KANK1: variants seen among roughly 807,000 people sequenced by gnomAD.
KANK1 encodes KN motif and ankyrin repeat domains 1.
A neutral mutation model predicts 106.2 loss-of-function variants in KANK1; 109 were observed. The observed-to-expected ratio is 1.03, with a 90% CI of 0.88 to 1.20. The LOEUF (loss-of-function observed/expected upper bound fraction) is 1.20, where lower values mean the gene tolerates loss of function less well. Ranked by LOEUF, KANK1 falls within the 50% of genes most tolerant of loss-of-function variation. KANK1 has a pLI of 0.00. For synonymous variants in KANK1, 873 were observed against 652.2 expected (o/e 1.34, Z -5.16); for missense variants, 2,399 against 1,710.7 (o/e 1.40, Z -7.10).
chr9:632,560 C>G (rs1835998974), intron 1 of KANK1, among the ~76,000 whole-genome samples: 1 of 152,100 alleles, frequency 6.6e-6, no homozygotes, highest in Admixed American at 6.5e-5. Flanking sequence ...TCAAATGCAC[C>G]TTGGACTGCC....
chr9:694,207 C>G (rs749275288), intron 2 of KANK1, among the ~76,000 whole-genome samples: 26 of 152,130 alleles, frequency 1.7e-4, no homozygotes, highest in African/African-American at 3.1e-4. Context: ...CATACAAATA[C>G]TAGCTTTCCA....
At chr9:611,925 A>G (rs10815343) in intron 1 of KANK1, among the ~76,000 whole-genome samples, 48,551 of 151,986 alleles carry the variant, frequency 0.32, 8,591 homozygotes, top group African/African-American at 0.46. Flanking sequence ...TCACCGTGTT[A>G]GCCAGGATGG....
chr9:649,311 C>T (rs1018062284), intron 1 of KANK1, among the ~76,000 whole-genome samples: 3 of 152,158 alleles, frequency 2.0e-5, no homozygotes, highest in Non-Finnish European at 4.4e-5. Flanking sequence ...CTTGTCCCTA[C>T]ATCCCATCTA....
intron 1 of KANK1, among the ~76,000 whole-genome samples, chr9:605,673 G>A (rs1828922119): frequency 6.6e-6 from 1 of 151,760 alleles, no homozygotes; most frequent in East Asian, 1.9e-4. Context: ...CCATGCCATA[G>A]CAAAATTCTG....
rs563361624 is a variant in KANK1 at position 523,830 on chromosome 9, C to T, written c.-84+19076C>T. Among the ~76,000 whole-genome samples the T allele has an allele frequency of 2.5e-4, 38 of 150,798 alleles. 2 individuals carry two copies. Among genetic ancestry groups the T allele is most frequent in the African/African-American group, 9.1e-4 (37 of 40,686 alleles). On this transcript the variant is annotated intron_variant, in intron 1 of 11. Coordinates refer to ENST00000382297, the MANE Select transcript of KANK1 (RefSeq NM_015158.5). ...CGCTTGGCCTCTTCTTTTTTTTTTC[C>T]ATATCAAAAATTAACCAGTATTATT...
At chr9:626,925 T>G (rs1486410044) in intron 1 of KANK1, among the ~76,000 whole-genome samples, 1 of 152,224 alleles carries the variant, frequency 6.6e-6, no homozygotes, top group African/African-American at 2.4e-5. Context: ...TGTTTTACAC[T>G]GGTGTACATC....
intron 1 of KANK1, among the ~76,000 whole-genome samples, chr9:586,073 T>C (rs1457936312): frequency 6.6e-6 from 1 of 152,208 alleles, no homozygotes; most frequent in Non-Finnish European, 1.5e-5. Flanking sequence ...TGCTGTGTGA[T>C]CTGTAAGGCA....
chr9:624,165 A>G lies in KANK1; in HGVS notation c.-83-52725A>G, dbSNP rs539256749. Among the ~76,000 whole-genome samples, 8 of 152,334 alleles carry G rather than the reference A, an allele frequency of 5.3e-5. No homozygotes were observed. The East Asian group carries it at 1.2e-3, about 22-fold the overall frequency. On this transcript the variant is annotated intron_variant, in intron 1 of 11. Coordinates refer to ENST00000382297, the MANE Select transcript of KANK1 (RefSeq NM_015158.5). ...ATACTGTATGATCTCAGTTATATGT[A>G]GAATATAAAAACGTTGAATCCACAA... is the stretch of plus-strand genomic sequence containing the variant.
At chr9:556,516 A>T (rs1443103075) in intron 1 of KANK1, among the ~76,000 whole-genome samples, 1 of 152,236 alleles carries the variant, frequency 6.6e-6, no homozygotes, top group African/African-American at 2.4e-5. Flanking sequence ...GGTGCTTATG[A>T]AACTAAAATT....
chr9:485,317 A>G (rs996956718), intron 3 of KANK1, among the ~76,000 whole-genome samples: 1 of 152,250 alleles, frequency 6.6e-6, no homozygotes, highest in Non-Finnish European at 1.5e-5. Flanking sequence ...TTGTTAAGGT[A>G]TAATTTACAT....
At chr9:615,156 A>C (rs1275346712) in intron 1 of KANK1, among the ~76,000 whole-genome samples, 1 of 152,106 alleles carries the variant, frequency 6.6e-6, no homozygotes, top group Non-Finnish European at 1.5e-5. Context: ...ACTGGTCCTG[A>C]ACTCCTGGCC....
In KANK1 at chr9:737,400, A is replaced by G. The variant is rs566763548; in HGVS notation, c.3334-885A>G. On this transcript the variant is annotated intron_variant, in intron 7 of 11. Coordinates refer to ENST00000382297, the MANE Select transcript of KANK1 (RefSeq NM_015158.5). ...GACATAGGCTGTCTTTCTTTGATAT[A>G]TTTTTAAACTTTTAAAGAGTAAGCA... is the stretch of plus-strand genomic sequence containing the variant. Among the ~76,000 whole-genome samples the G allele has an allele frequency of 7.9e-5, 12 of 152,320 alleles. 1 individual carries two copies. In the South Asian group the frequency reaches 1.9e-3, roughly 24 times the overall value.
At chr9:475,846 ATTAT>A (rs200520470) in intron 3 of KANK1, among the ~76,000 whole-genome samples, 2 of 151,842 alleles carry the variant, frequency 1.3e-5, no homozygotes, top group Non-Finnish European at 2.9e-5. Flanking sequence ...CCTTTTTAAA[ATTAT>A]TTATTTATTT....
chr9:603,313 G>A (rs1369467144), intron 1 of KANK1, among the ~76,000 whole-genome samples: 2 of 151,840 alleles, frequency 1.3e-5, no homozygotes, highest in Admixed American at 6.5e-5. Context: ...GTTCAGAAAC[G>A]TGGCTGGCTG....
chr9:694,218 C>G (rs895847266), intron 2 of KANK1, among the ~76,000 whole-genome samples: 3 of 152,188 alleles, frequency 2.0e-5, no homozygotes, highest in Admixed American at 6.5e-5. Flanking sequence ...TAGCTTTCCA[C>G]TACCACCCCA....
chr9:682,481 C>T (rs1588880215), intron 2 of KANK1, among the ~76,000 whole-genome samples: 1 of 152,146 alleles, frequency 6.6e-6, no homozygotes, highest in East Asian at 1.9e-4. Flanking sequence ...ACATTCTTTG[C>T]ATTTTTCCAA....
intron 3 of KANK1, among the ~76,000 whole-genome samples, chr9:498,735 C>G (rs2058497975): frequency 6.6e-6 from 1 of 152,180 alleles, no homozygotes; most frequent in Non-Finnish European, 1.5e-5. Flanking sequence ...GATACTACTT[C>G]ATAGCCACTA....
intron 2 of KANK1, among the ~76,000 whole-genome samples, chr9:699,887 C>A (rs1310856476): frequency 6.6e-6 from 1 of 152,150 alleles, no homozygotes; most frequent in African/African-American, 2.4e-5. Context: ...GAGGCTGAGG[C>A]AGGAGGATCG....
chr9:513,555 G>C (rs563815061), intron 1 of KANK1, among the ~76,000 whole-genome samples: 26 of 152,160 alleles, frequency 1.7e-4, no homozygotes, highest in African/African-American at 5.5e-4. Flanking sequence ...AGTCTTGTTG[G>C]TTTGCATTCA....
Sources: allele counts gnomAD v4.1 joint callset (sites outside exome capture counted in the v4.1 genomes callset), GRCh38; gene constraint gnomAD v4.1.1; transcripts MANE v1.5; gene names NCBI Gene and HGNC (gene_info 2026-07-23, HGNC 2026-07-21).